ANKRD30B: variants seen among roughly 807,000 people sequenced by gnomAD.
ANKRD30B encodes the protein ankyrin repeat domain 30B.
ANKRD30B carries 144 observed loss-of-function variants against 202.2 expected under a neutral mutation model. The ratio of observed to expected loss-of-function variants is 0.71; its 90% CI spans 0.62 to 0.82. ANKRD30B has a LOEUF of 0.82. ANKRD30B is among the 40% of genes least tolerant of loss of function. ANKRD30B has a pLI of 0.00. For missense variants in ANKRD30B, 1,487 were observed against 1,669.1 expected (o/e 0.89, Z 1.90); for synonymous variants, 508 against 561.3 (o/e 0.91, Z 1.34).
intron 23 of ANKRD30B, 23 bp from the exon 24 acceptor site, chr18:14,803,711 T>C (rs1400166418): frequency 1.3e-6 from 2 of 1,570,152 alleles, no homozygotes; most frequent in Non-Finnish European, 1.7e-6. Context: ...ATTGAAATTA[T>C]TTATTGATAT....
chr18:14,861,726 T>G, the ANKRD30B span, among the ~76,000 whole-genome samples: 1 of 151,556 alleles, frequency 6.6e-6, no homozygotes, highest in Non-Finnish European at 1.5e-5. Flanking sequence ...TTAGGCAGAT[T>G]ATTAGGCAGA....
intron 37 of ANKRD30B, among the ~76,000 whole-genome samples, chr18:14,842,146 A>G (rs556826850): frequency 6.6e-6 from 1 of 152,256 alleles, no homozygotes; most frequent in African/African-American, 2.4e-5. Flanking sequence ...AATGTTATTT[A>G]TATGTGATAA....
chr18:14,923,015 A>G, the ANKRD30B span, among the ~76,000 whole-genome samples: 1 of 152,168 alleles, frequency 6.6e-6, no homozygotes, highest in African/African-American at 2.4e-5. Flanking sequence ...GGGCCAGGAA[A>G]AAACCTGCTG....
In ANKRD30B at chr18:14,752,695, GT is replaced by G. The variant is rs1567975586; in HGVS notation, c.336+21del. On this transcript the variant is annotated intron_variant, in intron 2 of 43. Coordinates refer to ENST00000690538, the MANE Select transcript of ANKRD30B (RefSeq NM_001367607.2). ...CTCTGATGAAGGTAAATAGTAGCCA[GT>G]TTTTTCAGCGGGAGATGGATTTGGT... The G allele has an allele frequency of 6.3e-7, 1 of 1,585,260 alleles. No individual in the cohort carries two copies. Among genetic ancestry groups the G allele is most frequent in the South Asian group, 1.1e-5 (1 of 87,950 alleles).
chr18:14,828,755 C>T (rs1443255265), intron 33 of ANKRD30B, among the ~76,000 whole-genome samples: 2 of 152,188 alleles, frequency 1.3e-5, no homozygotes, highest in Admixed American at 6.5e-5. Context: ...AGACTTTGTT[C>T]TAACATGTTT....
At chr18:14,895,053 C>G in the ANKRD30B span, among the ~76,000 whole-genome samples, 1 of 151,724 alleles carries the variant, frequency 6.6e-6, no homozygotes, top group East Asian at 1.9e-4. Flanking sequence ...AAACTAACTA[C>G]TGCATGTTTT....
At chr18:14,815,377 C>G (rs570638661) in intron 30 of ANKRD30B, among the ~76,000 whole-genome samples, 3 of 151,376 alleles carry the variant, frequency 2.0e-5, no homozygotes, top group African/African-American at 7.3e-5. Context: ...TAACAATTCA[C>G]ACTGTGATTC....
At chr18:14,851,431 G>A in intron 41 of ANKRD30B, 78 bp from the exon 42 acceptor site, 8 of 1,397,908 alleles carry the variant, frequency 5.7e-6, no homozygotes, top group East Asian at 2.5e-5. Flanking sequence ...AAACGTACAA[G>A]TTGTTCTTTA....
the ANKRD30B span, among the ~76,000 whole-genome samples, chr18:14,918,295 G>A: frequency 6.6e-6 from 1 of 152,120 alleles, no homozygotes; most frequent in Admixed American, 6.5e-5. Flanking sequence ...GCTTGTAAGG[G>A]TTGCTGCACC....
At chr18:14,926,949 A>G in the ANKRD30B span, among the ~76,000 whole-genome samples, 261 of 149,188 alleles carry the variant, frequency 1.7e-3, no homozygotes, top group African/African-American at 6.1e-3. Context: ...GTGTGTGTGT[A>G]TGTGTGTGTA....
At chr18:14,846,599 A>T (rs1384615668) in intron 39 of ANKRD30B, among the ~76,000 whole-genome samples, 1 of 151,998 alleles carries the variant, frequency 6.6e-6, no homozygotes, top group Admixed American at 6.6e-5. Context: ...ATTTTGAAGC[A>T]TTTATGTTAT....
At chr18:14,768,809 C>T (rs1916655433) in intron 7 of ANKRD30B, among the ~76,000 whole-genome samples, 1 of 152,116 alleles carries the variant, frequency 6.6e-6, no homozygotes, top group South Asian at 2.1e-4. Context: ...TGACACTGTC[C>T]ACTTACACTA....
intron 30 of ANKRD30B, among the ~76,000 whole-genome samples, chr18:14,820,533 T>G (rs1052672992): frequency 2.6e-5 from 4 of 152,154 alleles, no homozygotes; most frequent in African/African-American, 9.7e-5. Flanking sequence ...TTGAGATACA[T>G]CCCATCAATA....
rs758899148 is a variant in ANKRD30B at position 14,752,934 on chromosome 18, T to A, written c.432T>A (p.His144Gln). 2 of 1,603,288 alleles carry A rather than the reference T, an allele frequency of 1.2e-6. No homozygotes were observed. Among genetic ancestry groups the A allele is most frequent in the Non-Finnish European group, 1.7e-6 (2 of 1,174,276 alleles). The change falls in exon 3 of 44, where the codon CAT becomes CAA. Residue 144 changes from histidine (H) to glutamine (Q), a missense_variant. By Grantham distance (24) the His-to-Gln change is conservative. This residue lies in a region of ANKRD30B where 889 missense variants were observed against 841.4 expected (regional missense o/e 1.06). Transcript: ENST00000690538. ...ATGTGTATGGCAACACGGCTCTCCA[T>A]TATGCCGTTTATAGTGAGAATTTGT... ...YVDVYGNTAL[H>Q]YAVYSENLLM...
At chr18:14,781,177 T>A (rs918446350) in intron 11 of ANKRD30B, among the ~76,000 whole-genome samples, 1 of 152,284 alleles carries the variant, frequency 6.6e-6, no homozygotes, top group African/African-American at 2.4e-5. Flanking sequence ...TACTACTTTT[T>A]CATTTTATTC....
Position 14,757,870 on chromosome 18 carries a change from C to T in ANKRD30B, c.673C>T (p.Leu225Phe). ...EGSSEIVGML[L>F]QQNVDVFAED... ...CTCATCAGAGATAGTCGGCATGCTT[C>T]TTCAGCAAAATGTTGACGTCTTTGC... The change falls in exon 5 of 44, where the codon CTT becomes TTT. Residue 225 changes from leucine to phenylalanine, a missense_variant. Physicochemically the swap from Leu to Phe is conservative, Grantham distance 22. Transcript: ENST00000690538. 2 of 1,613,784 alleles carry T rather than the reference C, an allele frequency of 1.2e-6. No homozygotes were observed. The highest frequency in any genetic ancestry group is 2.2e-5 in the East Asian group (1 of 44,868).
intron 39 of ANKRD30B, among the ~76,000 whole-genome samples, chr18:14,845,175 G>T (rs1263667548): frequency 6.6e-6 from 1 of 151,896 alleles, no homozygotes; most frequent in African/African-American, 2.4e-5. Context: ...CCATGCCTAT[G>T]TCCTGAATGG....
At chr18:14,829,138 T>G (rs1970794822) in intron 33 of ANKRD30B, among the ~76,000 whole-genome samples, 1 of 152,162 alleles carries the variant, frequency 6.6e-6, no homozygotes, top group African/African-American at 2.4e-5. Context: ...CTTCTATTAT[T>G]TTATTTCTTT....
the ANKRD30B span, among the ~76,000 whole-genome samples, chr18:14,919,520 A>T: frequency 6.6e-6 from 1 of 152,124 alleles, no homozygotes; most frequent in African/African-American, 2.4e-5. Flanking sequence ...GGGACAAGAG[A>T]TGCTTGTCCA....
Sources: allele counts gnomAD v4.1 joint callset (sites outside exome capture counted in the v4.1 genomes callset), GRCh38; gene constraint gnomAD v4.1.1; regional missense constraint gnomAD v4.1.1; transcripts MANE v1.5; gene names NCBI Gene and HGNC (gene_info 2026-07-23, HGNC 2026-07-21).